Variants in LTA4H observed in about 807,000 individuals in gnomAD.
LTA4H encodes the protein leukotriene A-4 hydrolase.
A neutral mutation model predicts 89.8 loss-of-function variants in LTA4H; 59 were observed. The observed-to-expected ratio is 0.66, with a 90% CI of 0.53 to 0.82. LTA4H has a LOEUF of 0.82. Among genes scored for constraint, LTA4H ranks in the 40% least tolerant of loss-of-function variants. LTA4H has a pLI of 0.00. For missense variants in LTA4H, 617 were observed against 727.0 expected (o/e 0.85, Z 1.74); for synonymous variants, 227 against 253.1 (o/e 0.90, Z 0.98).
chr12:96,016,001 T>C (rs1204463629), intron 10 of LTA4H, among the ~76,000 whole-genome samples: 3 of 152,162 alleles, frequency 2.0e-5, no homozygotes, highest in African/African-American at 7.2e-5. Flanking sequence ...CTGTAATAAG[T>C]GTTACAGAAT....
At chr12:96,035,279 G>A (rs923004651) in intron 1 of LTA4H, 82 bp downstream of exon 1, 2 of 1,420,856 alleles carry the variant, frequency 1.4e-6, no homozygotes, top group African/African-American at 2.8e-5. Context: ...GGGTGAGCCG[G>A]AGATCCGGGA....
intron 4 of LTA4H, among the ~76,000 whole-genome samples, chr12:96,023,150 G>A (rs902156531): frequency 6.6e-6 from 1 of 152,120 alleles, no homozygotes; most frequent in African/African-American, 2.4e-5. Flanking sequence ...TTCCAGTAGG[G>A]GCTAGACTTT....
Position 96,022,405 on chromosome 12 carries a change from TAC to T in LTA4H, c.481-156_481-155del, listed in dbSNP as rs1340549514. Among the ~76,000 whole-genome samples the T allele has an allele frequency of 6.6e-6, 1 of 152,126 alleles. No homozygotes were observed. The highest frequency in any genetic ancestry group is 2.4e-5 in the African/African-American group (1 of 41,424). On this transcript the variant is annotated intron_variant, in intron 4 of 18. Transcript: ENST00000228740. The surrounding 1 kb of genome is among the most constrained non-coding windows in gnomAD (Gnocchi z 4.0). ...TATACATATACAAAAAGTATATATATACACACACATATATATGAACACAACGT... is the reference window on the plus strand; with the variant it reads ...TATACATATACAAAAAGTATATATATACACACATATATATGAACACAACGT...
At chr12:96,014,589 AAT>A (rs1245306197) in intron 12 of LTA4H, among the ~76,000 whole-genome samples, 1 of 152,160 alleles carries the variant, frequency 6.6e-6, no homozygotes, top group Non-Finnish European at 1.5e-5. Context: ...GTACCATAGA[AAT>A]GTTTTCAGGG....
intron 9 of LTA4H, among the ~76,000 whole-genome samples, chr12:96,017,320 T>C (rs1168204739): frequency 6.6e-6 from 1 of 152,074 alleles, no homozygotes; most frequent in Non-Finnish European, 1.5e-5. Context: ...AAACAAAAAT[T>C]ACTTAGAAAA....
At chr12:96,012,262 C>T (rs1408863611) in intron 14 of LTA4H, 2 of 152,220 alleles carry the variant, frequency 1.3e-5, no homozygotes, top group Admixed American at 1.3e-4. Flanking sequence ...TTAAACTGGC[C>T]TGTTTAGTGT....
chr12:96,019,126 C>A, intron 7 of LTA4H, 42 bp downstream of exon 7: 1 of 1,533,464 alleles, frequency 6.5e-7, no homozygotes, highest in Admixed American at 2.0e-5. Flanking sequence ...CTTCAATCTA[C>A]TGTCTATCAC....
intron 12 of LTA4H, 65 bp downstream of exon 12, chr12:96,014,790 A>G: frequency 7.0e-7 from 1 of 1,435,492 alleles, no homozygotes; most frequent in Non-Finnish European, 9.5e-7. Flanking sequence ...ATAGTTTACA[A>G]TTCTTCCTAA....
chr12:96,003,183 A>G lies in LTA4H; in HGVS notation c.1614-119T>C, dbSNP rs1349017089. ...AATAACCCCACTATAGTTATACTGTACACCACTTTATGGTATGTCTTGATT... is the reference window on the plus strand; with the variant it reads ...AATAACCCCACTATAGTTATACTGTGCACCACTTTATGGTATGTCTTGATT... On this transcript the variant is annotated intron_variant, in intron 17 of 18. Transcript: ENST00000228740. 2.6e-5 allele frequency: 16 copies of G among 617,148 alleles called. No homozygotes were observed. The East Asian group carries it at 4.4e-4, about 17-fold the overall frequency. The allele number at this position is 617,148 out of a possible 1,614,324, so 38.2% of individuals were successfully genotyped here. A position where few individuals can be genotyped will look rare whatever the true frequency, so the allele number is the denominator to read the frequency against.
At position 96,022,074 on chromosome 12, in the gene LTA4H, G is replaced by A; in HGVS notation, c.585+73C>T. ...TCTGAAATATTTCAAAAGTAATTTTGCCCTCTGGATGTGTACAAGCTAACT... is the reference window on the plus strand; with the variant it reads ...TCTGAAATATTTCAAAAGTAATTTTACCCTCTGGATGTGTACAAGCTAACT... On this transcript the variant is annotated intron_variant, in intron 5 of 18. Transcript: ENST00000228740. The surrounding 1 kb of genome is among the most constrained non-coding windows in gnomAD (Gnocchi z 4.0). 1 of 830,698 alleles carries A rather than the reference G, an allele frequency of 1.2e-6. No homozygotes were observed. Among genetic ancestry groups the A allele is most frequent in the Non-Finnish European group, 2.0e-6 (1 of 505,254 alleles). The allele number at this position is 830,698 out of a possible 1,614,324, so 51.5% of individuals were successfully genotyped here. A position where few individuals can be genotyped will look rare whatever the true frequency, so the allele number is the denominator to read the frequency against.
At chr12:96,017,146 T>A (rs1284106403) in intron 9 of LTA4H, 32 bp from the exon 10 acceptor site, 1 of 1,435,928 alleles carries the variant, frequency 7.0e-7, no homozygotes, top group South Asian at 1.2e-5. Context: ...ATAGTAAGAC[T>A]GATTATCTTA....
intron 11 of LTA4H, chr12:96,015,200 G>A (rs966406093): frequency 2.4e-5 from 12 of 506,330 alleles, no homozygotes; most frequent in African/African-American, 2.4e-4. Flanking sequence ...ATTCTCTGTT[G>A]TTTCTTGCTC....
In LTA4H at chr12:96,029,063, A is replaced by G. The variant is rs767791143; in HGVS notation, c.282T>C (p.Ala94=). Residue 94 remains alanine (A), a synonymous_variant, in exon 2 of 19, where the codon GCT becomes GCC. Coordinates refer to ENST00000228740, the MANE Select transcript of LTA4H (RefSeq NM_000895.3). ...GATCATAACATTCATACTTGCTCAA[A>G]GCGATAGGAAGAGAGATTTCCATTG... ...GSPMEISLPI[A]LSKNQEIVIE... The G allele has an allele frequency of 3.8e-6, 6 of 1,582,372 alleles. 1 individual carries two copies. The South Asian group carries it at 4.8e-5, about 13-fold the overall frequency.
At chr12:96,026,874 T>C (rs186724451) in intron 3 of LTA4H, among the ~76,000 whole-genome samples, 2 of 152,368 alleles carry the variant, frequency 1.3e-5, no homozygotes, top group Admixed American at 6.5e-5. Context: ...TCTCTAATTG[T>C]ATGGCTCTTT....
intron 1 of LTA4H, among the ~76,000 whole-genome samples, chr12:96,042,470 C>G (rs1043578548): frequency 6.6e-6 from 1 of 151,990 alleles, no homozygotes. Context: ...TCTGAAGGAA[C>G]TCCCCAAACC....
chr12:96,021,005 G>T, intron 6 of LTA4H, 80 bp downstream of exon 6: 3 of 1,064,236 alleles, frequency 2.8e-6, no homozygotes, highest in Non-Finnish European at 4.2e-6. Context: ...GCAAATGATT[G>T]ACCAATTAAC....
At chr12:96,039,443 T>C (rs1315866235), upstream of LTA4H, among the ~76,000 whole-genome samples, 1 of 152,206 alleles carries the variant, frequency 6.6e-6, no homozygotes, top group Middle Eastern at 3.2e-3. Context: ...CTGTGGCCCG[T>C]GCAGTTGTTG....
chr12:96,030,442 T>C (rs1001921132), intron 1 of LTA4H, among the ~76,000 whole-genome samples: 4 of 152,186 alleles, frequency 2.6e-5, no homozygotes, highest in South Asian at 4.1e-4. Flanking sequence ...CCATGGGACA[T>C]AGCACCACAC....
intron 1 of LTA4H, 35 bp downstream of exon 1, chr12:96,035,326 G>C (rs1197378221): frequency 6.4e-7 from 1 of 1,567,926 alleles, no homozygotes; most frequent in Admixed American, 1.8e-5. Flanking sequence ...AGGGAGCCCG[G>C]GAGAGGCGGG....
Sources: allele counts gnomAD v4.1 joint callset (sites outside exome capture counted in the v4.1 genomes callset), GRCh38; gene constraint gnomAD v4.1.1; non-coding constraint Gnocchi (gnomAD v3.1); transcripts MANE v1.5; gene names NCBI Gene and HGNC (gene_info 2026-07-23, HGNC 2026-07-21).